Variants in EMC9 observed in about 807,000 individuals in gnomAD.
EMC9 encodes the protein ER membrane protein complex subunit 9.
In EMC9, 20 loss-of-function variants were observed where a neutral mutation model predicts 25.0. That is an observed-to-expected ratio of 0.80 (90% CI 0.56 to 1.16). The LOEUF (loss-of-function observed/expected upper bound fraction) is 1.16. Ranked by LOEUF, EMC9 falls within the 50% of genes most tolerant of loss-of-function variation. EMC9 has a pLI of 0.00. For synonymous variants in EMC9, 100 were observed against 107.0 expected (o/e 0.93, Z 0.40); for missense variants, 256 against 268.7 (o/e 0.95, Z 0.33).
Position 24,141,313 on chromosome 14 carries a change from A to G in EMC9, c.-9T>C, listed in dbSNP as rs555533140. On this transcript the variant is annotated 5_prime_UTR_variant, in exon 2 of 6. Coordinates refer to ENST00000216799, the MANE Select transcript of EMC9 (RefSeq NM_016049.4). Reference sequence around the variant, plus strand: ...ATCTCCACCTCCCCCATGGCGAGCGAGGCCTGGACGGGAAGCAGCAAGCCG... The same window carrying G: ...ATCTCCACCTCCCCCATGGCGAGCGGGGCCTGGACGGGAAGCAGCAAGCCG... The G allele has an allele frequency of 6.2e-7, 1 of 1,613,758 alleles. No homozygotes were observed. The highest frequency in any genetic ancestry group is 1.3e-5 in the African/African-American group (1 of 75,068).
chr14:24,139,499 C>T lies in EMC9; in HGVS notation c.346-45G>A, dbSNP rs369914230. On this transcript the variant is annotated intron_variant, in intron 4 of 5. Coordinates refer to ENST00000216799, the MANE Select transcript of EMC9 (RefSeq NM_016049.4). This position sits in a 1 kb window ranked among gnomAD's most constrained non-coding sequence, Gnocchi z 4.6. ...CAAGTGAGAGTTTCAAGGGTCCCCC[C>T]ACCCTACTTGCTTTTCACCTCCCCA... is the stretch of plus-strand genomic sequence containing the variant. 5.1e-5 allele frequency: 83 copies of T among 1,612,858 alleles called. No homozygotes were observed. The highest frequency in any genetic ancestry group is 6.1e-5 in the Non-Finnish European group (72 of 1,179,200).
intron 1 of EMC9, 53 bp downstream of exon 1, chr14:24,141,385 A>G: frequency 2.1e-6 from 3 of 1,436,072 alleles, no homozygotes; most frequent in Non-Finnish European, 2.9e-6. Flanking sequence ...GCGTCCGTGA[A>G]GCTCCCTCCA....
At position 24,139,486 on chromosome 14, in the gene EMC9, T is replaced by C; in HGVS notation, c.346-32A>G. On this transcript the variant is annotated intron_variant, in intron 4 of 5. Coordinates refer to ENST00000216799, the MANE Select transcript of EMC9 (RefSeq NM_016049.4). This position sits in a 1 kb window ranked among gnomAD's most constrained non-coding sequence, Gnocchi z 4.6. ...GGACAAAGATGGGCAAGTGAGAGTT[T>C]CAAGGGTCCCCCCACCCTACTTGCT... The C allele has an allele frequency of 6.2e-7, 1 of 1,613,688 alleles. No homozygotes were observed. Among genetic ancestry groups the C allele is most frequent in the Non-Finnish European group, 8.5e-7 (1 of 1,179,736 alleles).
In EMC9 at chr14:24,139,214, A is replaced by T; in HGVS notation, c.441-18T>A. On this transcript the variant is annotated intron_variant, in intron 5 of 5. Coordinates refer to ENST00000216799, the MANE Select transcript of EMC9 (RefSeq NM_016049.4). This position sits in a 1 kb window ranked among gnomAD's most constrained non-coding sequence, Gnocchi z 4.6. ...ACATCACTCTGAAATAGTAACCCCC[A>T]TGGAGGTCAAACAGCAAGTAGTGGG... The T allele has an allele frequency of 6.2e-7, 1 of 1,613,226 alleles. No homozygotes were observed. Among genetic ancestry groups the T allele is most frequent in the Non-Finnish European group, 8.5e-7 (1 of 1,179,334 alleles).
chr14:24,140,768 C>G, intron 3 of EMC9, 121 bp downstream of exon 3: 1 of 1,052,092 alleles, frequency 9.5e-7, no homozygotes, highest in Non-Finnish European at 1.4e-6. Context: ...ATAAAAGGAA[C>G]GACCTTGGTT....
intron 3 of EMC9, chr14:24,140,473 G>A (rs553869253): frequency 6.4e-6 from 1 of 156,014 alleles, no homozygotes; most frequent in Non-Finnish European, 1.4e-5. Context: ...GCTCATCTGT[G>A]ATCCCAGCTA....
rs757790489 is a variant in EMC9, at chr14:24,139,137, C to A, written c.500G>T (p.Arg167Leu). 1.2e-6 allele frequency: 2 copies of A among 1,614,164 alleles called. No homozygotes were observed. Among genetic ancestry groups the A allele is most frequent in the African/African-American group, 1.3e-5 (1 of 75,034 alleles). ...RQMVGALLED[R>L]AHQHLVDFDC... ...AAAGTCCACAAGGTGCTGGTGGGCC[C>A]GATCTTCCAGTAGAGCTCCCACCAT... The change falls in exon 6 of 6, where the codon CGG becomes CTG. Residue 167 changes from arginine to leucine, a missense_variant. Arg to Leu is a moderately radical substitution (Grantham distance 102, BLOSUM62 -2). Coordinates refer to ENST00000216799, the MANE Select transcript of EMC9 (RefSeq NM_016049.4). The surrounding 1 kb of genome is among the most constrained non-coding windows in gnomAD (Gnocchi z 4.6).
At chr14:24,140,797 C>T (rs1432559596) in intron 3 of EMC9, 92 bp downstream of exon 3, 2 of 1,368,692 alleles carry the variant, frequency 1.5e-6, no homozygotes, top group Non-Finnish European at 2.1e-6. Flanking sequence ...GCGCCCCCGC[C>T]CCGCCCACCG....
chr14:24,140,586 T>G (rs2038029642), intron 3 of EMC9: 1 of 278,006 alleles, frequency 3.6e-6, no homozygotes, highest in Non-Finnish European at 6.7e-6. Context: ...AGAGGGAGAC[T>G]CCGTCTCAAA....
chr14:24,139,769 C>T lies in EMC9; in HGVS notation c.276-155G>A, dbSNP rs200908114. The T allele has an allele frequency of 4.9e-5, 76 of 1,543,216 alleles. 1 individual carries two copies. Among genetic ancestry groups the T allele is most frequent in the Admixed American group, 7.9e-5 (4 of 50,714 alleles). ...TCGGGCCTGCTGGATGCTTGATGCACGACTGCTTGATGCTTGAGTGCTGTG... is the reference window on the plus strand; with the variant it reads ...TCGGGCCTGCTGGATGCTTGATGCATGACTGCTTGATGCTTGAGTGCTGTG... On this transcript the variant is annotated intron_variant, in intron 3 of 5. Transcript: ENST00000216799. The surrounding 1 kb of genome is among the most constrained non-coding windows in gnomAD (Gnocchi z 4.6).
rs60227020 is a variant in EMC9 at position 24,140,205 on chromosome 14, T to A, written c.276-591A>T. The A allele has an allele frequency of 6.2e-3, 951 of 152,358 alleles. 10 individuals carry two copies. The highest frequency in any genetic ancestry group is 0.022 in the African/African-American group (906 of 41,334). The allele number at this position is 152,358 out of a possible 1,614,324, so 9.4% of individuals were successfully genotyped here. Reference sequence around the variant, plus strand: ...TATGTATATATATAAGGAAACTGCCTTATTTTTGAAGTTGCTGGTTGGGAT... The same window carrying A: ...TATGTATATATATAAGGAAACTGCCATATTTTTGAAGTTGCTGGTTGGGAT... On this transcript the variant is annotated intron_variant, in intron 3 of 5. Transcript: ENST00000216799.
rs1483042156 is a variant in EMC9 at position 24,140,984 on chromosome 14, C to T, written c.199-19G>A. 3 of 1,614,098 alleles carry T rather than the reference C, an allele frequency of 1.9e-6. No homozygotes were observed. In the African/African-American group the frequency reaches 4.0e-5, roughly 22 times the overall value. On this transcript the variant is annotated intron_variant, in intron 2 of 5. Transcript: ENST00000216799. ...CATCCACCTGTCGTAGGAAAGGGGC[C>T]ATCAGTAATTAAATTGTGCCGCTGG... is the stretch of plus-strand genomic sequence containing the variant.
rs141643355 is a variant in EMC9 at position 24,140,924 on chromosome 14, A to G, written c.240T>C (p.Gly80=). 9.9e-6 allele frequency: 16 copies of G among 1,614,118 alleles called. No homozygotes were observed. In the African/African-American group the frequency reaches 2.1e-4, roughly 22 times the overall value. ...WGAQAGLVVA[G]YYHANAAVND... ...TCACAGCTGCATTGGCATGGTAGTA[A>G]CCAGCCACCACCAGACCGGCCTGTG... Residue 80 remains glycine (G), a synonymous_variant, in exon 3 of 6, where the codon GGT becomes GGC. Transcript: ENST00000216799.
Position 24,139,224 on chromosome 14 carries a change from A to C in EMC9, c.441-28T>G. On this transcript the variant is annotated intron_variant, in intron 5 of 5. Coordinates refer to ENST00000216799, the MANE Select transcript of EMC9 (RefSeq NM_016049.4). The surrounding 1 kb of genome is among the most constrained non-coding windows in gnomAD (Gnocchi z 4.6). Reference sequence around the variant, plus strand: ...GAAATAGTAACCCCCATGGAGGTCAAACAGCAAGTAGTGGGTCCAGACACA... The same window carrying C: ...GAAATAGTAACCCCCATGGAGGTCACACAGCAAGTAGTGGGTCCAGACACA... The C allele has an allele frequency of 6.2e-7, 1 of 1,612,454 alleles. No homozygotes were observed. The highest frequency in any genetic ancestry group is 8.5e-7 in the Non-Finnish European group (1 of 1,178,816).
rs772700123 is a variant in EMC9, at chr14:24,140,913, G to A, written c.251C>T (p.Ala84Val). The A allele has an allele frequency of 3.7e-6, 6 of 1,614,070 alleles. No homozygotes were observed. In the African/African-American group the frequency reaches 6.7e-5, roughly 18 times the overall value. The stretch of plus-strand genomic sequence containing the variant: ...CCTCTGATCGTTCACAGCTGCATTG[G>A]CATGGTAGTAACCAGCCACCACCAG... ...AGLVVAGYYH[A>V]NAAVNDQSPG... The change falls in exon 3 of 6, where the codon GCC (alanine) becomes GTC (valine). Residue 84 changes from alanine (A) to valine (V), a missense_variant. Transcript: ENST00000216799.
Position 24,139,082 on chromosome 14 carries a change from G to T in EMC9, c.555C>A (p.Asp185Glu). Residue 185 changes from aspartate to glutamate, a missense_variant, in exon 6 of 6, where the codon GAC becomes GAA. Transcript: ENST00000216799. This position sits in a 1 kb window ranked among gnomAD's most constrained non-coding sequence, Gnocchi z 4.6. The stretch of plus-strand genomic sequence containing the variant: ...GAGTGTTGAGCCGCTGGTTGGTCCA[G>T]TCCTGCCGGATGTCATCAAGGTGGC... ...FDCHLDDIRQ[D>E]WTNQRLNTQI... is the part of the protein sequence containing the mutation. 1 of 1,614,088 alleles carries T rather than the reference G, an allele frequency of 6.2e-7. No homozygotes were observed. Among genetic ancestry groups the T allele is most frequent in the Non-Finnish European group, 8.5e-7 (1 of 1,180,046 alleles).
Position 24,139,289 on chromosome 14 carries a change from C to T in EMC9, c.440+71G>A, listed in dbSNP as rs1293260679. The T allele has an allele frequency of 2.5e-6, 4 of 1,600,842 alleles. No individual in the cohort carries two copies. The East Asian group carries it at 6.7e-5, about 27-fold the overall frequency. ...TGGGTCTAGAGAAAGACCCTTGGGGCAGGGCCAAGGACAGAGGAGACCCAG... is the reference window on the plus strand; with the variant it reads ...TGGGTCTAGAGAAAGACCCTTGGGGTAGGGCCAAGGACAGAGGAGACCCAG... On this transcript the variant is annotated intron_variant, in intron 5 of 5. Coordinates refer to ENST00000216799, the MANE Select transcript of EMC9 (RefSeq NM_016049.4). The surrounding 1 kb of genome is among the most constrained non-coding windows in gnomAD (Gnocchi z 4.6).
chr14:24,141,193 C>G lies in EMC9; in HGVS notation c.112G>C (p.Gly38Arg), dbSNP rs778139500. 1.2e-6 allele frequency: 2 copies of G among 1,613,992 alleles called. No individual in the cohort carries two copies. Among genetic ancestry groups the G allele is most frequent in the African/African-American group, 2.7e-5 (2 of 74,952 alleles). Residue 38 changes from glycine (G) to arginine (R), a missense_variant, in exon 2 of 6, where the codon GGA becomes CGA. By Grantham distance (125) the Gly-to-Arg change is moderately radical (BLOSUM62 -2). Transcript: ENST00000216799. Reference sequence around the variant, plus strand: ...CAGTCGGTGAGGCACAGGCATTCTCCAGACCGCGGCGCTGGCGCCAAAAAC... The same window carrying G: ...CAGTCGGTGAGGCACAGGCATTCTCGAGACCGCGGCGCTGGCGCCAAAAAC... ...GLFLAPAPRS[G>R]ECLCLTDCVP...
chr14:24,140,795 G>GC, intron 3 of EMC9, 94 bp downstream of exon 3: 3 of 1,030,716 alleles, frequency 2.9e-6, no homozygotes, highest in African/African-American at 1.6e-5. Flanking sequence ...GTGCGCCCCC[G>GC]CCCCGCCCAC....
Sources: allele counts gnomAD v4.1 joint callset, GRCh38; gene constraint gnomAD v4.1.1; non-coding constraint Gnocchi (gnomAD v3.1); transcripts MANE v1.5; gene names NCBI Gene and HGNC (gene_info 2026-07-23, HGNC 2026-07-21).